Variants in TPST1 observed in about 807,000 individuals in gnomAD.
TPST1 encodes the protein protein-tyrosine sulfotransferase 1.
TPST1 carries 20 observed loss-of-function variants against 34.8 expected under a neutral mutation model. That is an observed-to-expected ratio of 0.57 (90% CI 0.40 to 0.84). The LOEUF (loss-of-function observed/expected upper bound fraction) is 0.84, where lower values mean the gene tolerates loss of function less well. TPST1 is among the 40% of genes least tolerant of loss of function. The pLI, the probability that TPST1 is intolerant of heterozygous loss-of-function variation, is 0.00. For synonymous variants in TPST1, 152 were observed against 159.4 expected (o/e 0.95, Z 0.35); for missense variants, 353 against 455.5 (o/e 0.78, Z 2.05).
intron 2 of TPST1, among the ~76,000 whole-genome samples, chr7:66,253,519 G>A (rs1487805898): frequency 6.6e-6 from 1 of 151,682 alleles, no homozygotes; most frequent in African/African-American, 2.4e-5. Flanking sequence ...CTACAGGCGT[G>A]TGCCACCATG....
chr7:66,221,449 G>A (rs1222470540), intron 1 of TPST1, among the ~76,000 whole-genome samples: 5 of 152,174 alleles, frequency 3.3e-5, no homozygotes, highest in Non-Finnish European at 7.3e-5. Flanking sequence ...GGAGGAAAGG[G>A]AAGAGTAAAA....
intron 1 of TPST1, among the ~76,000 whole-genome samples, chr7:66,234,707 C>T (rs1789874765): frequency 6.6e-6 from 1 of 152,174 alleles, no homozygotes; most frequent in East Asian, 1.9e-4. Flanking sequence ...GACGGAGTCT[C>T]GTTCTGTCTC....
Position 66,248,865 on chromosome 7 carries a change from C to G in TPST1, c.845+7595C>G. Among the ~76,000 whole-genome samples the G allele has an allele frequency of 2.6e-5, 4 of 152,158 alleles. 1 individual carries two copies. The Middle Eastern group carries it at 0.01, about 391-fold the overall frequency. Reference sequence around the variant, plus strand: ...TAGGGTATGTCTTAGTCCATTTGGGCTGCTATAACAAAATACCACAAACTG... The same window carrying G: ...TAGGGTATGTCTTAGTCCATTTGGGGTGCTATAACAAAATACCACAAACTG... On this transcript the variant is annotated intron_variant, in intron 2 of 5. Coordinates refer to ENST00000304842, the MANE Select transcript of TPST1 (RefSeq NM_003596.4).
At chr7:66,300,591 T>C (rs1233457229) in intron 3 of TPST1, among the ~76,000 whole-genome samples, 2 of 152,150 alleles carry the variant, frequency 1.3e-5, no homozygotes, top group Non-Finnish European at 2.9e-5. Flanking sequence ...TTTGTGCAAA[T>C]CCATCAGAGG....
chr7:66,215,386 A>T (rs538269889), intron 1 of TPST1, among the ~76,000 whole-genome samples: 36 of 146,622 alleles, frequency 2.5e-4, no homozygotes, highest in South Asian at 1.5e-3. Context: ...ATATATATAT[A>T]TTTTTTGAGA....
intron 1 of TPST1, among the ~76,000 whole-genome samples, chr7:66,218,179 C>T (rs1298383262): frequency 6.6e-6 from 1 of 152,056 alleles, no homozygotes; most frequent in Non-Finnish European, 1.5e-5. Context: ...GTACCCGGTC[C>T]CCCTTAAGAT....
chr7:66,357,876 G>A lies in TPST1; in HGVS notation c.*29+1005G>A, dbSNP rs540470713. Among the ~76,000 whole-genome samples, 3 of 152,274 alleles carry A rather than the reference G, an allele frequency of 2.0e-5. No individual in the cohort carries two copies. The East Asian group carries it at 5.8e-4, about 29-fold the overall frequency. On this transcript the variant is annotated intron_variant, in intron 5 of 5. Coordinates refer to ENST00000304842, the MANE Select transcript of TPST1 (RefSeq NM_003596.4). ...CAAGGTGGGCAGATCACAAGGTCAG[G>A]AGTTCGAGACCAGCCTGGCCAACAT... is the stretch of plus-strand genomic sequence containing the variant.
At chr7:66,271,263 A>G (rs965050903) in intron 2 of TPST1, among the ~76,000 whole-genome samples, 1 of 152,060 alleles carries the variant, frequency 6.6e-6, no homozygotes, top group African/African-American at 2.4e-5. Flanking sequence ...GTATGATAAC[A>G]TCTGGTGTGA....
At chr7:66,329,361 C>T (rs569965938) in intron 3 of TPST1, among the ~76,000 whole-genome samples, 2 of 152,058 alleles carry the variant, frequency 1.3e-5, no homozygotes, top group Non-Finnish European at 2.9e-5. Flanking sequence ...TATACCCTAA[C>T]AGAGAATTAT....
intron 1 of TPST1, among the ~76,000 whole-genome samples, chr7:66,216,459 C>A (rs1000363320): frequency 1.3e-5 from 2 of 149,172 alleles, no homozygotes; most frequent in Non-Finnish European, 3.0e-5. Flanking sequence ...TGGTTTTGGT[C>A]TTGTTTGCTC....
chr7:66,231,492 T>C (rs1451839874), intron 1 of TPST1, among the ~76,000 whole-genome samples: 1 of 152,218 alleles, frequency 6.6e-6, no homozygotes, highest in Non-Finnish European at 1.5e-5. Context: ...CTGCAGGTCC[T>C]GAGCCCTGCC....
intron 2 of TPST1, among the ~76,000 whole-genome samples, chr7:66,241,731 T>G (rs1790040533): frequency 1.3e-5 from 2 of 152,222 alleles, no homozygotes. Flanking sequence ...ATTATAAGCA[T>G]TTTGAAATTT....
chr7:66,296,696 T>TTTTTTTTG (rs1791207906), intron 3 of TPST1, among the ~76,000 whole-genome samples: 1 of 150,098 alleles, frequency 6.7e-6, no homozygotes. Context: ...TTTTTTTTTT[T>TTTTTTTTG]TGGTACAATT....
chr7:66,234,400 T>TACACACACACACAC (rs56139529), intron 1 of TPST1, among the ~76,000 whole-genome samples: 9,440 of 142,848 alleles, frequency 0.066, 379 homozygotes, highest in African/African-American at 0.09. Context: ...AAAGCATGGC[T>TACACACACACACAC]ACACACACAC....
rs201770129 is a variant in TPST1, at chr7:66,241,074, C to T, written c.649C>T (p.Arg217Cys). Reference sequence around the variant, plus strand: ...TAGGGACTGTTTGACAAAGTGGAATCGTGCTATAGAGACCATGTATAACCA... The same window carrying T: ...TAGGGACTGTTTGACAAAGTGGAATTGTGCTATAGAGACCATGTATAACCA... Reference protein sequence around the residue: ...SYRDCLTKWNRAIETMYNQCM... With the variant: ...SYRDCLTKWNCAIETMYNQCM... Residue 217 changes from arginine to cysteine, a missense_variant, in exon 2 of 6, where the codon CGT becomes TGT. Arg to Cys is a radical substitution (Grantham distance 180, BLOSUM62 -3). Coordinates refer to ENST00000304842, the MANE Select transcript of TPST1 (RefSeq NM_003596.4). The T allele has an allele frequency of 1.2e-5, 20 of 1,614,050 alleles. No individual in the cohort carries two copies. Among genetic ancestry groups the T allele is most frequent in the South Asian group, 9.9e-5 (9 of 91,078 alleles).
At chr7:66,328,571 GC>G (rs1368845420) in intron 3 of TPST1, among the ~76,000 whole-genome samples, 2 of 151,516 alleles carry the variant, frequency 1.3e-5, no homozygotes, top group Non-Finnish European at 2.9e-5. Context: ...TTTTGAGACA[GC>G]CTCACTCTGT....
chr7:66,320,736 T>G (rs1366019078), intron 3 of TPST1, among the ~76,000 whole-genome samples: 4 of 151,744 alleles, frequency 2.6e-5, no homozygotes, highest in Non-Finnish European at 5.9e-5. Context: ...GTAGCTGGTA[T>G]TACAGACATG....
At chr7:66,248,696 A>G (rs576786732) in intron 2 of TPST1, among the ~76,000 whole-genome samples, 14 of 151,846 alleles carry the variant, frequency 9.2e-5, no homozygotes, top group Non-Finnish European at 1.6e-4. Context: ...TGTGTTTTTA[A>G]TAGAGATGGG....
chr7:66,303,589 T>C (rs927793351), intron 3 of TPST1, among the ~76,000 whole-genome samples: 6 of 152,082 alleles, frequency 3.9e-5, no homozygotes, highest in Non-Finnish European at 5.9e-5. Context: ...TTTATATTTT[T>C]AGTAGTGACA....
Sources: allele counts gnomAD v4.1 joint callset (sites outside exome capture counted in the v4.1 genomes callset), GRCh38; gene constraint gnomAD v4.1.1; transcripts MANE v1.5; gene names NCBI Gene and HGNC (gene_info 2026-07-23, HGNC 2026-07-21).